The following SERINC5 variants were observed in gnomAD, a reference collection of about 807,000 sequenced individuals.
SERINC5 encodes serine incorporator 5.
SERINC5 carries 41 observed loss-of-function variants against 63.1 expected under a neutral mutation model. The observed-to-expected ratio is 0.65, with a 90% confidence interval of 0.51 to 0.84. The LOEUF (loss-of-function observed/expected upper bound fraction) is 0.84. SERINC5 is among the 40% of genes least tolerant of loss of function. The pLI, the probability that SERINC5 is intolerant of heterozygous loss-of-function variation, is 0.00. For missense variants in SERINC5, 523 were observed against 573.0 expected (o/e 0.91, Z 0.89); for synonymous variants, 222 against 215.2 (o/e 1.03, Z -0.28).
chr5:80,240,344 T>C (rs762252010), intron 1 of SERINC5, among the ~76,000 whole-genome samples: 6 of 152,240 alleles, frequency 3.9e-5, no homozygotes, highest in Non-Finnish European at 7.3e-5. Context: ...ATTTGAAGAC[T>C]TTTTCAAATA....
intron 1 of SERINC5, among the ~76,000 whole-genome samples, chr5:80,224,585 C>CAAT (rs1751080622): frequency 1.3e-5 from 2 of 152,080 alleles, no homozygotes; most frequent in Admixed American, 1.3e-4. Context: ...GCAGCAGAAA[C>CAAT]AATAGTAACA....
At chr5:80,201,896 T>C (rs1053368793) in intron 2 of SERINC5, among the ~76,000 whole-genome samples, 6 of 152,212 alleles carry the variant, frequency 3.9e-5, no homozygotes, top group Admixed American at 3.9e-4. Flanking sequence ...TCAGCTTTAT[T>C]ATACTTCCTA....
In SERINC5 at chr5:80,141,267, G is replaced by A. The variant is rs1745488629; in HGVS notation, c.*2396C>T. 1.0e-6 allele frequency: 1 copy of A among 985,344 alleles called. No homozygotes were observed. The highest frequency in any genetic ancestry group is 6.1e-5 in the Admixed American group (1 of 16,276). The allele number at this position is 985,344 out of a possible 1,614,324, so 61.0% of individuals were successfully genotyped here. A position where few individuals can be genotyped will look rare whatever the true frequency, so the allele number is the denominator to read the frequency against. On this transcript the variant is annotated 3_prime_UTR_variant, in exon 12 of 12. Coordinates refer to ENST00000507668, the MANE Select transcript of SERINC5 (RefSeq NM_001174072.3). ...ACCAACCGGCAGAAGGGAACGGGAT[G>A]TCACAAACCAGACTCACGCATCTGG...
intron 5 of SERINC5, among the ~76,000 whole-genome samples, chr5:80,170,293 C>T (rs1159581462): frequency 1.3e-5 from 2 of 152,158 alleles, no homozygotes; most frequent in Non-Finnish European, 2.9e-5. Flanking sequence ...AAAGTTACAG[C>T]TGACATGTCC....
chr5:80,140,463 A>T lies in SERINC5; in HGVS notation c.*3200T>A. 3.0e-6 allele frequency: 3 copies of T among 984,392 alleles called. No homozygotes were observed. Among genetic ancestry groups the T allele is most frequent in the Non-Finnish European group, 3.6e-6 (3 of 829,600 alleles). The allele number at this position is 984,392 out of a possible 1,614,324, so 61.0% of individuals were successfully genotyped here. ...GAAACAGAACCCCAAAACCCCAATAACTCCACCCTCCCCACAACCCACCCC... is the reference window on the plus strand; with the variant it reads ...GAAACAGAACCCCAAAACCCCAATATCTCCACCCTCCCCACAACCCACCCC... On this transcript the variant is annotated 3_prime_UTR_variant, in exon 12 of 12. Coordinates refer to ENST00000507668, the MANE Select transcript of SERINC5 (RefSeq NM_001174072.3).
chr5:80,136,688 C>T (rs1745190436), downstream of SERINC5, among the ~76,000 whole-genome samples: 1 of 152,076 alleles, frequency 6.6e-6, no homozygotes, highest in African/African-American at 2.4e-5. Context: ...AGAAAATGCT[C>T]GCAAACAACA....
At chr5:80,251,234 G>A (rs1752397226) in intron 1 of SERINC5, among the ~76,000 whole-genome samples, 1 of 151,996 alleles carries the variant, frequency 6.6e-6, no homozygotes, top group Admixed American at 6.6e-5. Flanking sequence ...AGCTATGATT[G>A]AGCCACTGCA....
At chr5:80,221,062 C>CACT (rs1226501410) in intron 1 of SERINC5, among the ~76,000 whole-genome samples, 2 of 152,146 alleles carry the variant, frequency 1.3e-5, no homozygotes, top group Non-Finnish European at 2.9e-5. Context: ...GAGCAGAGAG[C>CACT]ACTCGGCCAT....
chr5:80,249,309 T>C (rs1348882479), intron 1 of SERINC5, among the ~76,000 whole-genome samples: 2 of 150,752 alleles, frequency 1.3e-5, no homozygotes, highest in Non-Finnish European at 3.0e-5. Flanking sequence ...AGCGAGACTC[T>C]GTCTCCAAAA....
intron 4 of SERINC5, among the ~76,000 whole-genome samples, chr5:80,176,353 A>G (rs989642740): frequency 2.0e-5 from 3 of 152,248 alleles, no homozygotes; most frequent in African/African-American, 7.2e-5. Context: ...GTATGACCTT[A>G]AACAACTAGC....
chr5:80,161,370 T>A (rs1458843911), intron 7 of SERINC5, among the ~76,000 whole-genome samples: 1 of 149,458 alleles, frequency 6.7e-6, no homozygotes, highest in Non-Finnish European at 1.5e-5. Context: ...TTACTTTTTG[T>A]CTTTTTAATA....
In SERINC5 at chr5:80,187,122, C is replaced by T. The variant is rs184579032; in HGVS notation, c.196-9058G>A. Among the ~76,000 whole-genome samples, 35 of 152,076 alleles carry T rather than the reference C, an allele frequency of 2.3e-4. 1 individual carries two copies. Among genetic ancestry groups the T allele is most frequent in the African/African-American group, 8.2e-4 (34 of 41,430 alleles). ...AAGAGGTTGCAGTGAGCTGAGATCA[C>T]GCCACTGCACTCCAGCTTGGGTGAC... On this transcript the variant is annotated intron_variant, in intron 2 of 11. Coordinates refer to ENST00000507668, the MANE Select transcript of SERINC5 (RefSeq NM_001174072.3).
At chr5:80,226,647 C>T (rs1336039814) in intron 1 of SERINC5, among the ~76,000 whole-genome samples, 4 of 152,214 alleles carry the variant, frequency 2.6e-5, no homozygotes, top group Non-Finnish European at 5.9e-5. Flanking sequence ...TGCGAGAACA[C>T]AGCACAGCCT....
intron 8 of SERINC5, chr5:80,157,178 A>T (rs1746593604): frequency 6.6e-6 from 1 of 151,760 alleles, no homozygotes; most frequent in Non-Finnish European, 1.5e-5. Flanking sequence ...TTTTTAGTAG[A>T]TATGGGGTTT....
chr5:80,131,988 G>C (rs1405253725), intron 11 of SERINC5, among the ~76,000 whole-genome samples: 1 of 152,082 alleles, frequency 6.6e-6, no homozygotes, highest in Admixed American at 6.5e-5. Flanking sequence ...GGCATATGGA[G>C]AAAGATACGT....
In SERINC5 at chr5:80,139,107, A is replaced by G. The variant is rs180947825; in HGVS notation, c.*4556T>C. 5.6e-4 allele frequency: 556 copies of G among 984,672 alleles called. No homozygotes were observed. Among genetic ancestry groups the G allele is most frequent in the Non-Finnish European group, 5.5e-4 (460 of 829,192 alleles). The allele number at this position is 984,672 out of a possible 1,614,324, so 61.0% of individuals were successfully genotyped here. On this transcript the variant is annotated 3_prime_UTR_variant, in exon 12 of 12. Coordinates refer to ENST00000507668, the MANE Select transcript of SERINC5 (RefSeq NM_001174072.3). ...ATTTCAAACAGTAGATTTACCACAC[A>G]TATTGCATTTTCAAATTCTAATGTA...
downstream of SERINC5, among the ~76,000 whole-genome samples, chr5:80,133,781 C>T (rs563051192): frequency 1.8e-4 from 27 of 152,320 alleles, no homozygotes; most frequent in Middle Eastern, 3.4e-3. Context: ...TGTATTATTA[C>T]GCAAATCAGT....
intron 2 of SERINC5, among the ~76,000 whole-genome samples, chr5:80,200,876 TTGA>T (rs935624918): frequency 8.6e-5 from 13 of 152,046 alleles, no homozygotes; most frequent in Non-Finnish European, 1.8e-4. Flanking sequence ...GGCAGATCAC[TTGA>T]GGTCAGGAGT....
At chr5:80,247,462 A>T (rs1254120396) in intron 1 of SERINC5, among the ~76,000 whole-genome samples, 1 of 152,184 alleles carries the variant, frequency 6.6e-6, no homozygotes, top group Non-Finnish European at 1.5e-5. Flanking sequence ...ACGCCTACAG[A>T]CTGGCCTCTC....
Sources: gnomAD v4.1 joint callset for allele counts (sites outside exome capture counted in the v4.1 genomes callset) on GRCh38, gnomAD v4.1.1 for gene constraint, MANE v1.5 for transcripts, NCBI Gene and HGNC (gene_info 2026-07-23, HGNC 2026-07-21) for gene names.